The following ARHGEF40 variants were observed in gnomAD, a reference collection of about 807,000 sequenced individuals.
The protein encoded by ARHGEF40 is Rho guanine nucleotide exchange factor (GEF) 40.
ARHGEF40 carries 98 observed loss-of-function variants against 165.9 expected under a neutral mutation model. The observed-to-expected ratio is 0.59, with a 90% CI of 0.50 to 0.70. ARHGEF40 has a LOEUF of 0.70. Among genes scored for constraint, ARHGEF40 ranks in the 30% least tolerant of loss-of-function variants. The pLI is 0.00. For missense variants in ARHGEF40, 1,815 were observed against 1,968.0 expected, an observed-to-expected ratio of 0.92 and a Z score of 1.47; for synonymous variants, 792 against 814.3, an observed-to-expected ratio of 0.97 and a Z score of 0.47.
intron 13 of ARHGEF40, 180 bp downstream of exon 13, chr14:21,081,196 G>A (rs376981463): frequency 9.6e-7 from 1 of 1,036,712 alleles, no homozygotes; most frequent in African/African-American, 1.6e-5. Context: ...AAACCTGACT[G>A]TGCCTCCATA....
rs139383938 is a variant in ARHGEF40, at chr14:21,089,274, G to A, written c.*266G>A. On this transcript the variant is annotated 3_prime_UTR_variant, in exon 24 of 24. Coordinates refer to ENST00000298694, the MANE Select transcript of ARHGEF40 (RefSeq NM_018071.5). The stretch of plus-strand genomic sequence containing the variant: ...GTGGGGAAGTTATCCCTCTTCCGGT[G>A]CTTTCCCATCCTGGGCCACTGTATC... 27 of 173,104 alleles carry A rather than the reference G, an allele frequency of 1.6e-4. No homozygotes were observed. In the East Asian group the frequency reaches 4.0e-3, roughly 26 times the overall value. 10.7% of individuals were successfully genotyped at this position (173,104 alleles called of 1,614,324 possible).
At position 21,076,902 on chromosome 14, in the gene ARHGEF40, CT is replaced by C. The variant is rs1566527154; in HGVS notation, c.2034+13del. 6.3e-7 allele frequency: 1 copy of C among 1,599,848 alleles called. No individual in the cohort carries two copies. Among genetic ancestry groups the C allele is most frequent in the Non-Finnish European group, 8.6e-7 (1 of 1,168,442 alleles). ...TAGAGATACACCAGGTAAGCTTCCCCTCTACCACCTAGCATGCTGGGAGCCA... is the reference window on the plus strand; with the variant it reads ...TAGAGATACACCAGGTAAGCTTCCCCCTACCACCTAGCATGCTGGGAGCCA... On this transcript the variant is annotated intron_variant, in intron 8 of 23. Transcript: ENST00000298694.
Position 21,084,027 on chromosome 14 carries a change from G to A in ARHGEF40, c.3766G>A (p.Val1256Met), listed in dbSNP as rs777263222. ...QEARGRDLLA[V>M]EAVRGCEIDL... ...GGCCCGTGGCAGAGACCTGCTGGCC[G>A]TGGAGGCGGTGCGTGGCTGTGAGGT... Residue 1256 changes from valine to methionine, a missense_variant, in exon 17 of 24, where the codon GTG becomes ATG. Coordinates refer to ENST00000298694, the MANE Select transcript of ARHGEF40 (RefSeq NM_018071.5). 361 of 1,609,754 alleles carry A rather than the reference G, an allele frequency of 2.2e-4. No homozygotes were observed. The highest frequency in any genetic ancestry group is 2.9e-4 in the Non-Finnish European group (344 of 1,178,900).
chr14:21,078,195 C>T lies in ARHGEF40; in HGVS notation c.2053C>T (p.Arg685Cys), dbSNP rs61744857. Residue 685 changes from arginine (R) to cysteine (C), a missense_variant, in exon 9 of 24, where the codon CGC becomes TGC. Physicochemically the swap from Arg to Cys is radical, Grantham distance 180 (BLOSUM62 -3). Coordinates refer to ENST00000298694, the MANE Select transcript of ARHGEF40 (RefSeq NM_018071.5). ...GTTTCAGGAAGTGGTAAGGCTATGTCGCCTGTGCCAAGGTGTGCTGGGCTC... is the reference window on the plus strand; with the variant it reads ...GTTTCAGGAAGTGGTAAGGCTATGTTGCCTGTGCCAAGGTGTGCTGGGCTC... ...EIHQEVVRLC[R>C]LCQGVLGSVR... 0.043 allele frequency: 69,917 copies of T among 1,613,494 alleles called. 1,810 individuals are homozygous for T. Among genetic ancestry groups the T allele is most frequent in the African/African-American group, 0.1 (7,699 of 74,960 alleles).
chr14:21,070,264 C>T, upstream of ARHGEF40: 2 of 982,626 alleles, frequency 2.0e-6, no homozygotes, highest in Non-Finnish European at 1.3e-6. This position sits in a 1 kb window ranked among gnomAD's most constrained non-coding sequence, Gnocchi z 4.7. Context: ...GAAGCCGGAG[C>T]GGGCCGAGCC....
chr14:21,083,899 G>C lies in ARHGEF40; in HGVS notation c.3638G>C (p.Arg1213Pro). 1 of 1,614,120 alleles carries C rather than the reference G, an allele frequency of 6.2e-7. No individual in the cohort carries two copies. Among genetic ancestry groups the C allele is most frequent in the South Asian group, 1.1e-5 (1 of 91,078 alleles). ...ALQQPLEQLT[R>P]YGRLLEELLR... ...CAGCAGCCTCTGGAACAGCTGACTC[G>C]GTATGGGCGGCTCCTGGAGGAGCTC... Residue 1213 changes from arginine to proline, a missense_variant, in exon 17 of 24, where the codon CGG becomes CCG. Physicochemically the swap from Arg to Pro is moderately radical, Grantham distance 103 (BLOSUM62 -2). Coordinates refer to ENST00000298694, the MANE Select transcript of ARHGEF40 (RefSeq NM_018071.5).
intron 11 of ARHGEF40, among the ~76,000 whole-genome samples, 200 bp from the exon 12 acceptor site, chr14:21,080,460 C>T (rs1887805171): frequency 6.6e-6 from 1 of 152,206 alleles, no homozygotes; most frequent in Non-Finnish European, 1.5e-5. Flanking sequence ...ATCTGCCTTA[C>T]CAAAGATTTC....
In ARHGEF40 at chr14:21,088,884, A is replaced by C; in HGVS notation, c.*5+8A>C. 6.2e-7 allele frequency: 1 copy of C among 1,611,640 alleles called. No individual in the cohort carries two copies. On this transcript the variant is annotated splice_region_variant and intron_variant, in intron 23 of 23. Coordinates refer to ENST00000298694, the MANE Select transcript of ARHGEF40 (RefSeq NM_018071.5). ...CACGCCTCTGTGACCTGGGTGAGTC[A>C]GCATCCCCAATTTCTACCACATCCA...
At position 21,070,690 on chromosome 14, in the gene ARHGEF40, C is replaced by G. The variant is rs1313583781; in HGVS notation, c.3+291C>G. ...ACACCTCCCCGCTCCCCGCCCTCCT[C>G]TGTCCTGACCTGTGCCTTCCTTTCC... On this transcript the variant is annotated intron_variant, in intron 1 of 23. Transcript: ENST00000298694. The surrounding 1 kb of genome is among the most constrained non-coding windows in gnomAD (Gnocchi z 4.7). The G allele has an allele frequency of 2.3e-5, 24 of 1,026,846 alleles. No homozygotes were observed. Among genetic ancestry groups the G allele is most frequent in the Non-Finnish European group, 3.1e-5 (22 of 704,372 alleles). The allele number at this position is 1,026,846 out of a possible 1,614,324, so 63.6% of individuals were successfully genotyped here.
rs1397605433 is a variant in ARHGEF40, at chr14:21,082,914, C to G, written c.3570C>G (p.Ser1190Arg). ...ENGLAALSPL[S>R]KGSMEAGPYL... is the part of the protein sequence containing the mutation. Reference sequence around the variant, plus strand: ...GTCTGGCTGCGCTCAGTCCCTTAAGCAAGGTAACTTTTTCTCCAACCTTCA... The same window carrying G: ...GTCTGGCTGCGCTCAGTCCCTTAAGGAAGGTAACTTTTTCTCCAACCTTCA... Residue 1190 changes from serine to arginine, a missense_variant, in exon 16 of 24, where the codon AGC becomes AGG. Transcript: ENST00000298694. The G allele has an allele frequency of 2.5e-6, 4 of 1,613,970 alleles. No homozygotes were observed. The highest frequency in any genetic ancestry group is 3.4e-6 in the Non-Finnish European group (4 of 1,179,880).
Position 21,089,055 on chromosome 14 carries a change from C to G in ARHGEF40, c.*47C>G, listed in dbSNP as rs919313912. 6 of 592,820 alleles carry G rather than the reference C, an allele frequency of 1.0e-5. No individual in the cohort carries two copies. The highest frequency in any genetic ancestry group is 7.6e-5 in the African/African-American group (4 of 52,910). 36.7% of individuals were successfully genotyped at this position (592,820 alleles called of 1,614,324 possible). A position where few individuals can be genotyped will look rare whatever the true frequency, so the allele number is the denominator to read the frequency against. On this transcript the variant is annotated 3_prime_UTR_variant, in exon 24 of 24. Transcript: ENST00000298694. Reference sequence around the variant, plus strand: ...GCGTGCAGCTTCTCCTCTCAGCACACTTTGGGCTGGGATGGCAGTGGGGCA... The same window carrying G: ...GCGTGCAGCTTCTCCTCTCAGCACAGTTTGGGCTGGGATGGCAGTGGGGCA...
chr14:21,068,920 T>C (rs1345524848), upstream of ARHGEF40, among the ~76,000 whole-genome samples: 2 of 152,210 alleles, frequency 1.3e-5, no homozygotes, highest in African/African-American at 2.4e-5. Flanking sequence ...GCAAGTCACC[T>C]TGGCGGCACC....
chr14:21,082,082 G>A lies in ARHGEF40; in HGVS notation c.3214G>A (p.Val1072Ile). 2 of 1,561,046 alleles carry A rather than the reference G, an allele frequency of 1.3e-6. No individual in the cohort carries two copies. Among genetic ancestry groups the A allele is most frequent in the African/African-American group, 1.4e-5 (1 of 73,548 alleles). Residue 1072 changes from valine (V) to isoleucine (I), a missense_variant, in exon 14 of 24, where the codon GTA becomes ATA. Transcript: ENST00000298694. The stretch of plus-strand genomic sequence containing the variant: ...TAGGGGGCCAGACGGACCCTGGGGA[G>A]TAGGCACCCCCCGGATGGAGCGCAA... Reference protein sequence around the residue: ...RARGPDGPWGVGTPRMERKRS... With the variant: ...RARGPDGPWGIGTPRMERKRS...
At chr14:21,067,402 G>A (rs1566513641), upstream of ARHGEF40, among the ~76,000 whole-genome samples, 1 of 152,048 alleles carries the variant, frequency 6.6e-6, no homozygotes, top group African/African-American at 2.4e-5. Flanking sequence ...ATGGTGATGT[G>A]GTGTTTAAAA....
chr14:21,081,560 G>A lies in ARHGEF40; in HGVS notation c.2692G>A (p.Gly898Ser), dbSNP rs1887898702. 1.9e-6 allele frequency: 3 copies of A among 1,612,832 alleles called. No individual in the cohort carries two copies. Among genetic ancestry groups the A allele is most frequent in the Admixed American group, 1.7e-5 (1 of 59,984 alleles). The change falls in exon 14 of 24, where the codon GGT (glycine) becomes AGT (serine). Residue 898 changes from glycine (G) to serine (S), a missense_variant. Coordinates refer to ENST00000298694, the MANE Select transcript of ARHGEF40 (RefSeq NM_018071.5). ...GFARLAGAGPGREAVLAALAL... is the reference protein window; with the variant it reads ...GFARLAGAGPSREAVLAALAL... ...TGCTCGGCTGGCAGGAGCTGGGCCGGGTCGGGAGGCTGTGCTGGCTGCACT... is the reference window on the plus strand; with the variant it reads ...TGCTCGGCTGGCAGGAGCTGGGCCGAGTCGGGAGGCTGTGCTGGCTGCACT...
At position 21,084,786 on chromosome 14, in the gene ARHGEF40, C is replaced by G; in HGVS notation, c.3823C>G (p.Arg1275Gly). ...DLKEQGQLLHRDPFTVICGRK... is the reference protein window; with the variant it reads ...DLKEQGQLLHGDPFTVICGRK... ...GAAGGAGCAGGGACAGCTCTTGCAT[C>G]GAGACCCCTTCACTGTCATCTGTGG... The change falls in exon 18 of 24, where the codon CGA becomes GGA. Residue 1275 changes from arginine (R) to glycine (G), a missense_variant. Physicochemically the swap from Arg to Gly is moderately radical, Grantham distance 125. Coordinates refer to ENST00000298694, the MANE Select transcript of ARHGEF40 (RefSeq NM_018071.5). The G allele has an allele frequency of 3.1e-6, 5 of 1,614,038 alleles. No individual in the cohort carries two copies. The South Asian group carries it at 5.5e-5, about 18-fold the overall frequency.
chr14:21,066,881 C>T (rs967003947), upstream of ARHGEF40, among the ~76,000 whole-genome samples: 1 of 152,224 alleles, frequency 6.6e-6, no homozygotes, highest in African/African-American at 2.4e-5. Flanking sequence ...TATATATTTA[C>T]ATATCACACA....
In ARHGEF40 at chr14:21,078,470, G is replaced by A. The variant is rs115702415; in HGVS notation, c.2228G>A (p.Arg743His). 232 of 1,596,282 alleles carry A rather than the reference G, an allele frequency of 1.5e-4. No homozygotes were observed. Among genetic ancestry groups the A allele is most frequent in the East Asian group, 1.1e-3 (50 of 44,690 alleles). The change falls in exon 10 of 24, where the codon CGC (arginine) becomes CAC (histidine). Residue 743 changes from arginine (R) to histidine (H), a missense_variant. Arg to His is a conservative substitution (Grantham distance 29). Transcript: ENST00000298694. ...GGGGGGGCCATCCTGATGAGGCTGC[G>A]CTCCACTCCCAGCAGCAAGTACGAA... ...RDGGAILMRL[R>H]STPSSKLEGQ...
chr14:21,078,337 G>A lies in ARHGEF40; in HGVS notation c.2131-36G>A, dbSNP rs370333304. On this transcript the variant is annotated intron_variant, in intron 9 of 23. Coordinates refer to ENST00000298694, the MANE Select transcript of ARHGEF40 (RefSeq NM_018071.5). Reference sequence around the variant, plus strand: ...ATGGGGCTGGGGTGGAGACTCTCTGGTGGAACCCCAACTGGCAACTCCTCC... The same window carrying A: ...ATGGGGCTGGGGTGGAGACTCTCTGATGGAACCCCAACTGGCAACTCCTCC... The A allele has an allele frequency of 1.1e-5, 18 of 1,597,172 alleles. No individual in the cohort carries two copies. In the African/African-American group the frequency reaches 1.2e-4, roughly 11 times the overall value.
Sources: allele counts gnomAD v4.1 joint callset (sites outside exome capture counted in the v4.1 genomes callset), GRCh38; gene constraint gnomAD v4.1.1; non-coding constraint Gnocchi (gnomAD v3.1); transcripts MANE v1.5; gene names NCBI Gene and HGNC (gene_info 2026-07-23, HGNC 2026-07-21).